FGGY: variants seen among roughly 807,000 people sequenced by gnomAD.
The protein encoded by FGGY is FGGY carbohydrate kinase domain containing.
In FGGY, 72 loss-of-function variants were observed where a neutral mutation model predicts 71.3. The observed-to-expected ratio is 1.01, with a 90% confidence interval of 0.84 to 1.23. FGGY has a LOEUF of 1.23. Among genes scored for constraint, FGGY ranks in the 50% most tolerant of loss-of-function variants. FGGY has a pLI of 0.00. For missense variants in FGGY, 668 were observed against 682.3 expected, an observed-to-expected ratio of 0.98 and a Z score of 0.23; for synonymous variants, 251 against 250.3, an observed-to-expected ratio of 1.00 and a Z score of -0.02.
chr1:59,697,701 T>C (rs768721974), intron 14 of FGGY: 1 of 1,303,386 alleles, frequency 7.7e-7, no homozygotes, highest in Non-Finnish European at 1.0e-6. Flanking sequence ...GAAGCAGTAT[T>C]TGAGAAGAAA....
At chr1:59,609,544 A>G (rs564749796) in intron 9 of FGGY, among the ~76,000 whole-genome samples, 2 of 152,208 alleles carry the variant, frequency 1.3e-5, no homozygotes, top group Non-Finnish European at 1.5e-5. Flanking sequence ...CTTCTGAGAG[A>G]TCAAATGTGG....
At chr1:59,416,793 C>A (rs1004274267) in intron 5 of FGGY, among the ~76,000 whole-genome samples, 1 of 152,138 alleles carries the variant, frequency 6.6e-6, no homozygotes, top group Admixed American at 6.5e-5. Flanking sequence ...CAGGAATCTT[C>A]TCTTCCTACT....
chr1:59,722,442 C>G (rs1259210385), intron 14 of FGGY, among the ~76,000 whole-genome samples: 3 of 152,212 alleles, frequency 2.0e-5, no homozygotes, highest in Non-Finnish European at 2.9e-5. Context: ...CGATCTACCT[C>G]CTCGTGGGAG....
rs72917764 is a variant in FGGY at position 59,562,846 on chromosome 1, C to T, written c.903+8619C>T. 7.0e-3 allele frequency among the ~76,000 whole-genome samples: 1,067 copies of T among 152,204 alleles called. 11 individuals carry two copies. Among genetic ancestry groups the T allele is most frequent in the African/African-American group, 0.024 (999 of 41,508 alleles). ...GTGGTAATAACTTCACTGATCTATGCTATGTCAAAACTTTCCAAATCAGAC... is the reference window on the plus strand; with the variant it reads ...GTGGTAATAACTTCACTGATCTATGTTATGTCAAAACTTTCCAAATCAGAC... On this transcript the variant is annotated intron_variant, in intron 8 of 15. Coordinates refer to ENST00000303721, the MANE Select transcript of FGGY (RefSeq NM_018291.5).
At chr1:59,334,357 T>C (rs1341499451) in intron 2 of FGGY, among the ~76,000 whole-genome samples, 1 of 152,194 alleles carries the variant, frequency 6.6e-6, no homozygotes, top group Non-Finnish European at 1.5e-5. Flanking sequence ...TTGGCCAGGC[T>C]GGTCTCAAAC....
chr1:59,579,604 C>T (rs1160484182), intron 8 of FGGY, among the ~76,000 whole-genome samples: 1 of 152,126 alleles, frequency 6.6e-6, no homozygotes, highest in East Asian at 1.9e-4. Flanking sequence ...CTCTTTTTCT[C>T]ATATTGTGCT....
intron 8 of FGGY, among the ~76,000 whole-genome samples, chr1:59,587,789 C>G (rs2096336746): frequency 6.6e-6 from 1 of 152,118 alleles, no homozygotes; most frequent in Non-Finnish European, 1.5e-5. Context: ...CACCAAAAAC[C>G]CATCTGTACG....
intron 7 of FGGY, among the ~76,000 whole-genome samples, chr1:59,546,072 T>TA (rs139099821): frequency 0.031 from 4,668 of 152,272 alleles, 245 homozygotes; most frequent in African/African-American, 0.11. Flanking sequence ...AATGAACTGT[T>TA]ATGCCAAGCC....
intron 1 of FGGY, among the ~76,000 whole-genome samples, chr1:59,305,624 CAAG>C: frequency 6.6e-6 from 1 of 152,040 alleles, no homozygotes. Context: ...TATAAGAGTT[CAAG>C]AAGAATTTTA....
At chr1:59,494,199 A>AT (rs2093965477) in intron 6 of FGGY, among the ~76,000 whole-genome samples, 3 of 152,256 alleles carry the variant, frequency 2.0e-5, no homozygotes, top group Non-Finnish European at 4.4e-5. Flanking sequence ...GAAACCAGAC[A>AT]GTAAGCAAGT....
chr1:59,574,477 G>A (rs566244456), intron 8 of FGGY, among the ~76,000 whole-genome samples: 1 of 151,828 alleles, frequency 6.6e-6, no homozygotes, highest in South Asian at 2.1e-4. Flanking sequence ...TGCCATATGA[G>A]TAACATTCAT....
intron 2 of FGGY, among the ~76,000 whole-genome samples, chr1:59,325,356 C>T (rs2047224996): frequency 7.8e-6 from 1 of 128,700 alleles, no homozygotes; most frequent in Admixed American, 7.6e-5. Context: ...GACTCCGTGT[C>T]CAACAACAGC....
intron 8 of FGGY, among the ~76,000 whole-genome samples, chr1:59,599,260 C>T (rs889139236): frequency 1.2e-4 from 19 of 152,078 alleles, no homozygotes; most frequent in Admixed American, 1.2e-3. Flanking sequence ...CGTGCCACCA[C>T]ACCTAGCTAA....
chr1:59,450,402 A>C (rs1214316330), intron 5 of FGGY, among the ~76,000 whole-genome samples: 1 of 148,964 alleles, frequency 6.7e-6, no homozygotes, highest in East Asian at 1.9e-4. Flanking sequence ...GTATTTACTC[A>C]CATATTTAGC....
At chr1:59,562,412 G>C (rs1052722244) in intron 8 of FGGY, among the ~76,000 whole-genome samples, 4 of 152,186 alleles carry the variant, frequency 2.6e-5, no homozygotes, top group African/African-American at 7.2e-5. Flanking sequence ...TTGTGGAAAA[G>C]TGGGCTCAGG....
chr1:59,393,189 A>G (rs893300052), intron 5 of FGGY: 23 of 152,246 alleles, frequency 1.5e-4, no homozygotes, highest in African/African-American at 5.5e-4. Context: ...TGTTCTGTAT[A>G]AATATTGAGC....
intron 7 of FGGY, among the ~76,000 whole-genome samples, chr1:59,546,535 G>GATGATTATTATTATTATTATT (rs1399823769): frequency 7.7e-6 from 1 of 129,352 alleles, no homozygotes; most frequent in African/African-American, 3.1e-5. Flanking sequence ...TGATGATGAT[G>GATGATTATTATTATTATTATT]ATTATTATTA....
intron 14 of FGGY, among the ~76,000 whole-genome samples, chr1:59,721,500 G>A (rs1490575032): frequency 2.0e-5 from 3 of 151,488 alleles, no homozygotes; most frequent in East Asian, 1.9e-4. Flanking sequence ...CACCACACCC[G>A]GCTAATTTTG....
intron 5 of FGGY, among the ~76,000 whole-genome samples, chr1:59,383,304 G>C (rs1156462105): frequency 6.6e-6 from 1 of 152,102 alleles, no homozygotes; most frequent in Admixed American, 6.5e-5. Context: ...ATATGATCAG[G>C]TAACTTTGGA....
Sources: allele counts gnomAD v4.1 joint callset (sites outside exome capture counted in the v4.1 genomes callset), GRCh38; gene constraint gnomAD v4.1.1; transcripts MANE v1.5; gene names NCBI Gene and HGNC (gene_info 2026-07-23, HGNC 2026-07-21).